Variants in SCPPPQ1 observed in about 807,000 individuals in gnomAD.
SCPPPQ1 encodes the protein secretory calcium-binding phosphoprotein proline-glutamine rich 1, also known as secretory calcium-binding phosphoprotein proline- and glutamine-rich 1.
At chr4:87,461,972 G>A in the SCPPPQ1 span, 1 of 152,134 alleles carries the variant, frequency 6.6e-6, no homozygotes, top group East Asian at 1.9e-4. Flanking sequence ...CTAACCATAC[G>A]TAACTTCTGG....
chr4:87,460,909 A>G, the SCPPPQ1 span: 1 of 152,662 alleles, frequency 6.6e-6, no homozygotes, highest in African/African-American at 2.4e-5. Context: ...AGTATGCAAA[A>G]TTATAAAACT....
chr4:87,464,367 C>G, the SCPPPQ1 span, among the ~76,000 whole-genome samples: 2 of 150,522 alleles, frequency 1.3e-5, no homozygotes, highest in Non-Finnish European at 3.0e-5. Context: ...TTTAAGTACC[C>G]CCCCCCAACC....
At chr4:87,465,165 G>A in the SCPPPQ1 span, among the ~76,000 whole-genome samples, 4 of 152,074 alleles carry the variant, frequency 2.6e-5, no homozygotes, top group Admixed American at 2.6e-4. Context: ...AAGAGGATAA[G>A]GGTCACAGGA....
chr4:87,469,268 C>T, the SCPPPQ1 span, among the ~76,000 whole-genome samples: 1 of 152,146 alleles, frequency 6.6e-6, no homozygotes, highest in Non-Finnish European at 1.5e-5. Context: ...AACATCCTAT[C>T]TTTCAAATAG....
the SCPPPQ1 span, among the ~76,000 whole-genome samples, chr4:87,462,938 G>T: frequency 6.7e-6 from 1 of 148,154 alleles, no homozygotes; most frequent in Admixed American, 6.8e-5. Context: ...GGCAGAGGTT[G>T]CAGTGAGCCG....
the SCPPPQ1 span, among the ~76,000 whole-genome samples, chr4:87,463,196 G>T: frequency 6.6e-6 from 1 of 151,962 alleles, no homozygotes; most frequent in Non-Finnish European, 1.5e-5. Flanking sequence ...ATCAGTTGAG[G>T]TTGACTCTCA....
chr4:87,464,862 G>T, the SCPPPQ1 span, among the ~76,000 whole-genome samples: 1 of 151,940 alleles, frequency 6.6e-6, no homozygotes, highest in African/African-American at 2.4e-5. Flanking sequence ...ATCATAATAG[G>T]AATATTATTA....
the SCPPPQ1 span, among the ~76,000 whole-genome samples, chr4:87,462,947 C>T: frequency 2.7e-5 from 4 of 145,472 alleles, no homozygotes; most frequent in African/African-American, 1.0e-4. Flanking sequence ...TGCAGTGAGC[C>T]GAGATCACGC....
chr4:87,466,936 A>G, the SCPPPQ1 span, among the ~76,000 whole-genome samples: 1 of 152,162 alleles, frequency 6.6e-6, no homozygotes, highest in Admixed American at 6.5e-5. Flanking sequence ...TACTTATCCA[A>G]ATTTAACAAG....
the SCPPPQ1 span, among the ~76,000 whole-genome samples, chr4:87,465,936 G>T: frequency 4.6e-5 from 7 of 152,146 alleles, no homozygotes; most frequent in African/African-American, 1.7e-4. Context: ...TTGCTTTGAA[G>T]ATACTAGTCT....
chr4:87,461,798 TTAAAA>T, the SCPPPQ1 span, among the ~76,000 whole-genome samples: 1 of 152,196 alleles, frequency 6.6e-6, no homozygotes, highest in Non-Finnish European at 1.5e-5. Context: ...TAAACTGACT[TTAAAA>T]TACATCCTTT....
the SCPPPQ1 span, among the ~76,000 whole-genome samples, chr4:87,469,403 A>G: frequency 6.6e-6 from 1 of 152,196 alleles, no homozygotes; most frequent in Non-Finnish European, 1.5e-5. Flanking sequence ...AGCACATGGC[A>G]TATGGAGCTG....
the SCPPPQ1 span, among the ~76,000 whole-genome samples, chr4:87,465,617 C>T: frequency 0.28 from 41,608 of 147,178 alleles, 7,145 homozygotes; most frequent in East Asian, 0.42. Context: ...TGTGAACACT[C>T]TCTCTTGCTT....
the SCPPPQ1 span, among the ~76,000 whole-genome samples, chr4:87,467,895 A>G: frequency 1.3e-5 from 2 of 152,350 alleles, no homozygotes; most frequent in Middle Eastern, 3.4e-3. Context: ...CTCTGTAAAA[A>G]GAAACATGAT....
At chr4:87,467,961 ATACAAT>A in the SCPPPQ1 span, among the ~76,000 whole-genome samples, 2 of 152,386 alleles carry the variant, frequency 1.3e-5, no homozygotes, top group East Asian at 1.9e-4. Flanking sequence ...TTATTTAAAA[ATACAAT>A]TAGAAGTTCA....
the SCPPPQ1 span, among the ~76,000 whole-genome samples, chr4:87,463,675 A>G: frequency 6.6e-6 from 1 of 152,182 alleles, no homozygotes; most frequent in Non-Finnish European, 1.5e-5. Context: ...ACAGCTTTGT[A>G]ATGATATTTA....
chr4:87,467,564 C>T, the SCPPPQ1 span, among the ~76,000 whole-genome samples: 1 of 152,196 alleles, frequency 6.6e-6, no homozygotes, highest in East Asian at 1.9e-4. Flanking sequence ...AGTAATTCAG[C>T]ACAAACACCT....
the SCPPPQ1 span, among the ~76,000 whole-genome samples, chr4:87,465,063 A>C: frequency 6.6e-6 from 1 of 152,302 alleles, no homozygotes; most frequent in African/African-American, 2.4e-5. Context: ...ATAAGAATGC[A>C]TTTTACCCCC....
chr4:87,463,325 A>AC, the SCPPPQ1 span, among the ~76,000 whole-genome samples: 20,675 of 151,226 alleles, frequency 0.14, 1,464 homozygotes, highest in East Asian at 0.23. Context: ...AGTTAAAAAA[A>AC]AAAACAACAA....
Sources: gnomAD v4.1 joint callset for allele counts (sites outside exome capture counted in the v4.1 genomes callset) on GRCh38, gnomAD v4.1.1 for gene constraint, MANE v1.5 for transcripts, NCBI Gene and HGNC (gene_info 2026-07-23, HGNC 2026-07-21) for gene names.